Variants in CD276 observed in about 807,000 individuals in gnomAD.
CD276 encodes CD276 antigen.
In CD276, 34 loss-of-function variants were observed where a neutral mutation model predicts 50.0. That is an observed-to-expected ratio of 0.68 (90% CI 0.52 to 0.91). The LOEUF is 0.91. Among genes scored for constraint, CD276 ranks in the 40% least tolerant of loss-of-function variants. CD276 has a pLI of 0.00. For missense variants in CD276, 634 were observed against 717.5 expected, an observed-to-expected ratio of 0.88 and a Z score of 1.33; for synonymous variants, 275 against 313.0, an observed-to-expected ratio of 0.88 and a Z score of 1.28.
At chr15:73,690,604 C>CAT (rs996271365) in intron 1 of CD276, 9 of 442,858 alleles carry the variant, frequency 2.0e-5, no homozygotes, top group African/African-American at 1.2e-4. Flanking sequence ...ATGGGGGCAG[C>CAT]ACTTACGCTT....
chr15:73,711,238 T>G (rs530505644), intron 9 of CD276, 68 bp downstream of exon 9: 6 of 1,546,994 alleles, frequency 3.9e-6, no homozygotes, highest in Non-Finnish European at 5.3e-6. Flanking sequence ...GCTGAGAGGG[T>G]GGGTAGGCAT....
intron 8 of CD276, 112 bp downstream of exon 8, chr15:73,709,801 G>A: frequency 9.2e-7 from 1 of 1,092,554 alleles, no homozygotes; most frequent in Non-Finnish European, 1.3e-6. Context: ...TGAATGAAAT[G>A]TGTTCTGTGG....
chr15:73,689,217 T>TGC (rs1899889712), intron 1 of CD276, among the ~76,000 whole-genome samples: 2 of 151,966 alleles, frequency 1.3e-5, no homozygotes, highest in Admixed American at 6.6e-5. Flanking sequence ...TGTGTGTGTG[T>TGC]GTGTGTGTGT....
Position 73,713,104 on chromosome 15 carries a change from T to G in CD276, c.*148T>G. 1.6e-6 allele frequency: 1 copy of G among 635,288 alleles called. No homozygotes were observed. The highest frequency in any genetic ancestry group is 3.3e-5 in the Admixed American group (1 of 30,596). 39.4% of individuals were successfully genotyped at this position (635,288 alleles called of 1,614,324 possible). ...AAAGGATGCGATACACAGACCACTGTGCAGCCTTATTTCTCCAATGGACAT... is the reference window on the plus strand; with the variant it reads ...AAAGGATGCGATACACAGACCACTGGGCAGCCTTATTTCTCCAATGGACAT... On this transcript the variant is annotated 3_prime_UTR_variant, in exon 10 of 10. Transcript: ENST00000318443.
At chr15:73,710,704 T>C (rs1322813195) in intron 8 of CD276, among the ~76,000 whole-genome samples, 1 of 152,176 alleles carries the variant, frequency 6.6e-6, no homozygotes, top group Non-Finnish European at 1.5e-5. Context: ...GAGGCAGATG[T>C]AGTTGGCAGA....
rs981802078 is a variant in CD276 at position 73,687,977 on chromosome 15, G to A, written c.-55+3517G>A. 6.6e-6 allele frequency among the ~76,000 whole-genome samples: 1 copy of A among 152,122 alleles called. No homozygotes were observed. The highest frequency in any genetic ancestry group is 2.4e-5 in the African/African-American group (1 of 41,426). On this transcript the variant is annotated intron_variant, in intron 1 of 9. Transcript: ENST00000318443. The surrounding 1 kb of genome is among the most constrained non-coding windows in gnomAD (Gnocchi z 4.0). Reference sequence around the variant, plus strand: ...CCTGTGGGAATGCTCTGTGCTAGGGGCTATGGCAGCAGGACGGTAGGAGCT... The same window carrying A: ...CCTGTGGGAATGCTCTGTGCTAGGGACTATGGCAGCAGGACGGTAGGAGCT...
intron 1 of CD276, among the ~76,000 whole-genome samples, chr15:73,685,902 G>A (rs1899743160): frequency 6.6e-6 from 1 of 152,200 alleles, no homozygotes; most frequent in Non-Finnish European, 1.5e-5. Flanking sequence ...AGGGTATGAA[G>A]TGGCTCATTT....
chr15:73,709,635 C>A lies in CD276; in HGVS notation c.1505-13C>A, dbSNP rs1403665353. 6.2e-7 allele frequency: 1 copy of A among 1,612,674 alleles called. No homozygotes were observed. The highest frequency in any genetic ancestry group is 8.5e-7 in the Non-Finnish European group (1 of 1,179,488). On this transcript the variant is annotated splice_polypyrimidine_tract_variant and intron_variant, in intron 7 of 9. Transcript: ENST00000318443. ...AAAAGATTTTTGTTTATTCTGAGTT[C>A]TTGCCTTTGCAGGAGCTGAGGACCA...
chr15:73,684,160 G>C (rs1379359892), upstream of CD276: 1 of 151,868 alleles, frequency 6.6e-6, no homozygotes, highest in Non-Finnish European at 1.5e-5. Flanking sequence ...CGGGAGCCGA[G>C]GGTTTTCCCC....
At chr15:73,700,215 G>A (rs137858376) in intron 2 of CD276, among the ~76,000 whole-genome samples, 145 of 152,240 alleles carry the variant, frequency 9.5e-4, no homozygotes, top group Non-Finnish European at 1.8e-3. Flanking sequence ...AAAGAGCAGG[G>A]TCCATCTCAG....
At chr15:73,696,284 G>C (rs971130004) in intron 1 of CD276, among the ~76,000 whole-genome samples, 17 of 152,148 alleles carry the variant, frequency 1.1e-4, no homozygotes, top group Non-Finnish European at 1.9e-4. Flanking sequence ...GGTGGAGGGG[G>C]TGGTACGCAG....
chr15:73,709,410 T>C (rs1015404243), intron 7 of CD276, among the ~76,000 whole-genome samples: 3 of 151,870 alleles, frequency 2.0e-5, no homozygotes, highest in African/African-American at 7.3e-5. Flanking sequence ...GGCGCCAGGC[T>C]GGGTAGTTTT....
intron 9 of CD276, 149 bp from the exon 10 acceptor site, chr15:73,712,785 G>A (rs749103773): frequency 4.9e-5 from 39 of 798,996 alleles, no homozygotes; most frequent in Non-Finnish European, 7.1e-5. Context: ...TGGTCAGCAC[G>A]GGGGCTGTCC....
Position 73,713,767 on chromosome 15 carries a change from G to A in CD276, c.*811G>A. ...CACTGGTTCTCCAGGGGTCTGTGAT[G>A]GGGCCCCTGGGGGTCAGCTTCTGTC... On this transcript the variant is annotated 3_prime_UTR_variant, in exon 10 of 10. Transcript: ENST00000318443. The A allele has an allele frequency of 4.6e-6, 2 of 431,188 alleles. No individual in the cohort carries two copies. Among genetic ancestry groups the A allele is most frequent in the Non-Finnish European group, 4.6e-6 (1 of 218,550 alleles). The allele number at this position is 431,188 out of a possible 1,614,324, so 26.7% of individuals were successfully genotyped here.
chr15:73,702,632 C>T (rs779615790), intron 3 of CD276, 39 bp downstream of exon 3: 15 of 1,578,292 alleles, frequency 9.5e-6, no homozygotes, highest in Non-Finnish European at 1.2e-5. Flanking sequence ...CTTAGTTCAC[C>T]CTCCATTCCC....
At chr15:73,688,605 G>A (rs951084277) in intron 1 of CD276, among the ~76,000 whole-genome samples, 40 of 152,188 alleles carry the variant, frequency 2.6e-4, no homozygotes, top group African/African-American at 9.4e-4. Flanking sequence ...GCATCAGCTG[G>A]CTCTTAGTCA....
chr15:73,705,080 G>C (rs779071917), intron 6 of CD276, among the ~76,000 whole-genome samples: 1 of 152,192 alleles, frequency 6.6e-6, no homozygotes, highest in Non-Finnish European at 1.5e-5. Flanking sequence ...CACCTCTTGT[G>C]CCTGAGGGTG....
rs530243951 is a variant in CD276, at chr15:73,709,810, G to C, written c.1546+121G>C. ...AAGGTTTGAATGAAATGTGTTCTGT[G>C]GACTCAGACCTCCCCACCCCGGTGA... On this transcript the variant is annotated intron_variant, in intron 8 of 9. Transcript: ENST00000318443. 4.3e-5 allele frequency: 42 copies of C among 978,438 alleles called. No homozygotes were observed. In the East Asian group the frequency reaches 6.8e-4, roughly 16 times the overall value. 60.6% of individuals were successfully genotyped at this position (978,438 alleles called of 1,614,324 possible).
chr15:73,705,441 G>A (rs1030554857), intron 6 of CD276, among the ~76,000 whole-genome samples: 1 of 151,946 alleles, frequency 6.6e-6, no homozygotes, highest in Non-Finnish European at 1.5e-5. Context: ...TCGGAGCCAG[G>A]GCCCGTCACA....
Sources: gnomAD v4.1 joint callset for allele counts (sites outside exome capture counted in the v4.1 genomes callset) on GRCh38, gnomAD v4.1.1 for gene constraint, Gnocchi (gnomAD v3.1) non-coding constraint, MANE v1.5 for transcripts, NCBI Gene and HGNC (gene_info 2026-07-23, HGNC 2026-07-21) for gene names.